MSI2: variants seen among roughly 807,000 people sequenced by gnomAD.
MSI2 encodes RNA-binding protein Musashi homolog 2.
MSI2 carries 17 observed loss-of-function variants against 45.6 expected under a neutral mutation model. That is an observed-to-expected ratio of 0.37 (90% CI 0.26 to 0.56). The LOEUF (loss-of-function observed/expected upper bound fraction) is 0.56. MSI2 is among the 20% of genes least tolerant of loss of function. MSI2 has a pLI of 0.77. For missense variants in MSI2, 293 were observed against 444.2 expected (o/e 0.66, Z 3.06); for synonymous variants, 156 against 158.2 (o/e 0.99, Z 0.11).
At chr17:57,585,121 C>G (rs1000443906) in intron 7 of MSI2, among the ~76,000 whole-genome samples, 3 of 152,104 alleles carry the variant, frequency 2.0e-5, no homozygotes, top group Admixed American at 6.5e-5. Flanking sequence ...ACGCCCAGCC[C>G]TCTTAGGGTC....
chr17:57,461,177 G>A (rs1026958943), intron 6 of MSI2, among the ~76,000 whole-genome samples: 1 of 152,098 alleles, frequency 6.6e-6, no homozygotes, highest in Non-Finnish European at 1.5e-5. Context: ...TGACCCGGCC[G>A]CAGAGTGGAC....
intron 7 of MSI2, among the ~76,000 whole-genome samples, chr17:57,593,774 A>G (rs2144436861): frequency 6.6e-6 from 1 of 152,292 alleles, no homozygotes; most frequent in South Asian, 2.1e-4. Flanking sequence ...TTTATTTGCA[A>G]GGTGCCTGGG....
chr17:57,633,404 T>C (rs1909579369), intron 10 of MSI2, among the ~76,000 whole-genome samples: 1 of 152,256 alleles, frequency 6.6e-6, no homozygotes, highest in African/African-American at 2.4e-5. Flanking sequence ...AGCATCTGCA[T>C]GCGCCAGCTG....
chr17:57,505,785 C>T (rs1210630401), intron 6 of MSI2, among the ~76,000 whole-genome samples: 1 of 151,886 alleles, frequency 6.6e-6, no homozygotes, highest in East Asian at 1.9e-4. Context: ...AGGGTGGAGT[C>T]GGGGGACAAG....
intron 6 of MSI2, among the ~76,000 whole-genome samples, chr17:57,483,353 AC>A (rs2085686382): frequency 6.6e-6 from 1 of 152,220 alleles, no homozygotes; most frequent in South Asian, 2.1e-4. Context: ...AAATTAACTA[AC>A]TGAAAGAGTA....
chr17:57,484,967 G>C (rs1030854982), intron 6 of MSI2, among the ~76,000 whole-genome samples: 2 of 152,180 alleles, frequency 1.3e-5, no homozygotes, highest in Non-Finnish European at 1.5e-5. Flanking sequence ...TGTCACTCCT[G>C]CACAGGCAAG....
intron 8 of MSI2, among the ~76,000 whole-genome samples, chr17:57,607,108 A>C (rs1906685868): frequency 6.6e-6 from 1 of 152,248 alleles, no homozygotes; most frequent in East Asian, 1.9e-4. Flanking sequence ...AACCATGGAC[A>C]TTCTTTGAGG....
At chr17:57,376,966 G>A (rs2083508501) in intron 5 of MSI2, among the ~76,000 whole-genome samples, 1 of 150,378 alleles carries the variant, frequency 6.6e-6, no homozygotes, top group South Asian at 2.1e-4. Flanking sequence ...TGTCCCCCAG[G>A]CTGGAGGGCA....
intron 10 of MSI2, among the ~76,000 whole-genome samples, chr17:57,647,924 G>C (rs1910809375): frequency 6.6e-6 from 1 of 151,298 alleles, no homozygotes; most frequent in South Asian, 2.1e-4. Flanking sequence ...TTACAGGCAT[G>C]AGCCACTGCA....
rs892536884 is a variant in MSI2 at position 57,683,221 on chromosome 17, T to G, written c.*3704T>G. 1.7e-5 allele frequency: 4 copies of G among 229,788 alleles called. No individual in the cohort carries two copies. The highest frequency in any genetic ancestry group is 3.4e-5 in the Non-Finnish European group (4 of 115,988). The allele number at this position is 229,788 out of a possible 1,614,324, so 14.2% of individuals were successfully genotyped here. A position where few individuals can be genotyped will look rare whatever the true frequency, so the allele number is the denominator to read the frequency against. ...CAGCCAGTGAATGTTACACACATCT[T>G]GCTAGACTAGTATAAAAATCATTGG... is the stretch of plus-strand genomic sequence containing the variant. On this transcript the variant is annotated 3_prime_UTR_variant, in exon 14 of 14. Transcript: ENST00000284073. The surrounding 1 kb of genome is among the most constrained non-coding windows in gnomAD (Gnocchi z 5.2).
intron 5 of MSI2, among the ~76,000 whole-genome samples, chr17:57,286,609 C>A (rs1431498796): frequency 6.6e-6 from 1 of 151,882 alleles, no homozygotes; most frequent in African/African-American, 2.4e-5. Context: ...CATTGGTATC[C>A]GGGCTCCATA....
intron 10 of MSI2, among the ~76,000 whole-genome samples, chr17:57,645,458 CAG>C: frequency 6.6e-6 from 1 of 150,996 alleles, no homozygotes; most frequent in African/African-American, 2.4e-5. Context: ...TTTTTTGAGA[CAG>C]AATCTGGCTC....
chr17:57,434,011 A>G (rs1450247801), intron 6 of MSI2, among the ~76,000 whole-genome samples: 2 of 152,244 alleles, frequency 1.3e-5, no homozygotes, highest in African/African-American at 2.4e-5. Context: ...GTTTCGATAC[A>G]TGTATACATT....
At chr17:57,644,211 GTTGT>G (rs1237455583) in intron 10 of MSI2, among the ~76,000 whole-genome samples, 2 of 129,150 alleles carry the variant, frequency 1.5e-5, no homozygotes, top group African/African-American at 6.7e-5. Flanking sequence ...GCCAGGGTAA[GTTGT>G]TTTTTTTTTT....
At chr17:57,351,739 C>T (rs919736527) in intron 5 of MSI2, among the ~76,000 whole-genome samples, 1 of 152,112 alleles carries the variant, frequency 6.6e-6, no homozygotes, top group Admixed American at 6.5e-5. Flanking sequence ...GCCTGTAATC[C>T]CAGCTAGTTG....
intron 5 of MSI2, chr17:57,364,873 A>G (rs759599255): frequency 1.3e-5 from 2 of 151,996 alleles, no homozygotes; most frequent in Admixed American, 1.3e-4. Flanking sequence ...TTGCTCAGAG[A>G]TGGCTGGGTT....
At chr17:57,691,726 C>T in the MSI2 span, among the ~76,000 whole-genome samples, 45 of 152,274 alleles carry the variant, frequency 3.0e-4, no homozygotes, top group African/African-American at 9.4e-4. Flanking sequence ...TTAATTCTGG[C>T]AGCTTTTTTA....
intron 4 of MSI2, among the ~76,000 whole-genome samples, chr17:57,260,375 C>G (rs1004072667): frequency 2.6e-5 from 4 of 152,128 alleles, no homozygotes; most frequent in African/African-American, 9.7e-5. Flanking sequence ...TTTAAATTTT[C>G]TTTAGTACTT....
chr17:57,489,923 A>G (rs1168307528), intron 6 of MSI2, among the ~76,000 whole-genome samples: 1 of 152,208 alleles, frequency 6.6e-6, no homozygotes, highest in Non-Finnish European at 1.5e-5. Context: ...AGGAAGAGGA[A>G]TTAGGGTGAG....
Sources: gnomAD v4.1 joint callset for allele counts (sites outside exome capture counted in the v4.1 genomes callset) on GRCh38, gnomAD v4.1.1 for gene constraint, Gnocchi (gnomAD v3.1) non-coding constraint, MANE v1.5 for transcripts, NCBI Gene and HGNC (gene_info 2026-07-23, HGNC 2026-07-21) for gene names.